The following PRKCSH variants were observed in gnomAD, a reference collection of about 807,000 sequenced individuals.
PRKCSH encodes the protein glucosidase 2 subunit beta.
Under a neutral mutation model 79.7 loss-of-function variants are expected in PRKCSH, and 42 were observed. That is an observed-to-expected ratio of 0.53 (90% CI 0.41 to 0.68). The LOEUF is 0.68. PRKCSH is among the 30% of genes least tolerant of loss of function. The pLI, the probability that PRKCSH is intolerant of heterozygous loss-of-function variation, is 0.00. For missense variants in PRKCSH, 686 were observed against 709.0 expected (o/e 0.97, Z 0.37); for synonymous variants, 325 against 288.2 (o/e 1.13, Z -1.29).
intron 5 of PRKCSH, 159 bp from the exon 6 acceptor site, chr19:11,441,081 G>C: frequency 2.6e-6 from 2 of 768,996 alleles, no homozygotes; most frequent in Non-Finnish European, 4.7e-6. Context: ...CAGGAATGAA[G>C]GATGCTGATG....
At chr19:11,444,605 C>G (rs1396023442) in intron 7 of PRKCSH, among the ~76,000 whole-genome samples, 1 of 152,208 alleles carries the variant, frequency 6.6e-6, no homozygotes, top group Non-Finnish European at 1.5e-5. Flanking sequence ...ACAGTGGGAA[C>G]TGAATCCTGG....
In PRKCSH at chr19:11,441,336, G is replaced by C. The variant is rs1276408489; in HGVS notation, c.447G>C (p.Lys149Asn). Residue 149 changes from lysine (K) to asparagine (N), a missense_variant, in exon 6 of 18, where the codon AAG becomes AAC. Coordinates refer to ENST00000677123, the MANE Select transcript of PRKCSH (RefSeq NM_001289104.2). ...RLKKILIEDWKKAREEKQKKL... is the reference protein window; with the variant it reads ...RLKKILIEDWNKAREEKQKKL... Reference sequence around the variant, plus strand: ...AGAAGATCCTTATTGAGGACTGGAAGAAGGCACGGGAGGAGAAGCAGGTAA... The same window carrying C: ...AGAAGATCCTTATTGAGGACTGGAACAAGGCACGGGAGGAGAAGCAGGTAA... 1 of 1,614,048 alleles carries C rather than the reference G, an allele frequency of 6.2e-7. No individual in the cohort carries two copies. The highest frequency in any genetic ancestry group is 1.7e-5 in the Admixed American group (1 of 60,020).
Position 11,449,879 on chromosome 19 carries a change from C to T in PRKCSH, c.*16+451C>T, listed in dbSNP as rs978007290. ...TTGGATGGAGTTTCACTCTTGTTGCCGAGGCTGGAATGTGGAATGCAATGG... is the reference window on the plus strand; with the variant it reads ...TTGGATGGAGTTTCACTCTTGTTGCTGAGGCTGGAATGTGGAATGCAATGG... On this transcript the variant is annotated intron_variant, in intron 17 of 17. Transcript: ENST00000677123. The surrounding 1 kb of genome is among the most constrained non-coding windows in gnomAD (Gnocchi z 6.4). 6 of 213,844 alleles carry T rather than the reference C, an allele frequency of 2.8e-5. No individual in the cohort carries two copies. The highest frequency in any genetic ancestry group is 7.2e-5 in the South Asian group (1 of 13,836). 13.2% of individuals were successfully genotyped at this position (213,844 alleles called of 1,614,324 possible).
Position 11,447,290 on chromosome 19 carries a change from C to G in PRKCSH, c.849+130C>G, listed in dbSNP as rs940855101. On this transcript the variant is annotated intron_variant, in intron 10 of 17. Coordinates refer to ENST00000677123, the MANE Select transcript of PRKCSH (RefSeq NM_001289104.2). This position sits in a 1 kb window ranked among gnomAD's most constrained non-coding sequence, Gnocchi z 5.6. The stretch of plus-strand genomic sequence containing the variant: ...GCTGGGTGGCCCCAGCACCCCCCAC[C>G]GAGACCCCCCGACCCCAGCTGTCGG... The G allele has an allele frequency of 1.5e-6, 2 of 1,336,408 alleles. No homozygotes were observed. The highest frequency in any genetic ancestry group is 5.0e-5 in the East Asian group (2 of 40,236). The allele number at this position is 1,336,408 out of a possible 1,614,324, so 82.8% of individuals were successfully genotyped here. A position where few individuals can be genotyped will look rare whatever the true frequency, so the allele number is the denominator to read the frequency against.
Position 11,448,283 on chromosome 19 carries a change from G to GT in PRKCSH, c.1189dup (p.Ser397PhefsTer12). The GT allele has an allele frequency of 6.4e-7, 1 of 1,573,394 alleles. No individual in the cohort carries two copies. Among genetic ancestry groups the GT allele is most frequent in the Non-Finnish European group, 8.6e-7 (1 of 1,159,018 alleles). ...AGCGGTCGCTGAAGGACATGGAGGA[G>GT]TCCATCAGGTAGCGGGGGCTGAGGA... is the stretch of plus-strand genomic sequence containing the variant. On this transcript the variant is annotated frameshift_variant, in exon 13 of 18. Transcript: ENST00000677123. LOFTEE classifies it high-confidence loss of function. This position sits in a 1 kb window ranked among gnomAD's most constrained non-coding sequence, Gnocchi z 4.4.
chr19:11,438,214 TTTCTGTATCGGG>T, intron 5 of PRKCSH, 90 bp downstream of exon 5: 1 of 1,410,856 alleles, frequency 7.1e-7, no homozygotes, highest in African/African-American at 1.4e-5. Flanking sequence ...CTCTTCTGCT[TTTCTGTATCGGG>T]TTCTCTGTCT....
At position 11,437,912 on chromosome 19, in the gene PRKCSH, C is replaced by T. The variant is rs1330950305; in HGVS notation, c.233C>T (p.Thr78Ile). Residue 78 changes from threonine to isoleucine, a missense_variant, in exon 4 of 18, where the codon ACC becomes ATC. Thr to Ile is a moderately conservative substitution (Grantham distance 89). Transcript: ENST00000677123. Reference sequence around the variant, plus strand: ...TGTCCTAATGGCAGCTTCCACTGCACCAACACTGGCTATAAGCCCCTGTAT... The same window carrying T: ...TGTCCTAATGGCAGCTTCCACTGCATCAACACTGGCTATAAGCCCCTGTAT... ...AACPNGSFHC[T>I]NTGYKPLYIP... The T allele has an allele frequency of 1.4e-5, 23 of 1,614,190 alleles. No individual in the cohort carries two copies. Among genetic ancestry groups the T allele is most frequent in the Non-Finnish European group, 1.9e-5 (23 of 1,180,036 alleles).
rs1407345574 is a variant in PRKCSH at position 11,437,961 on chromosome 19, T to C, written c.282T>C (p.Asp94=). The C allele has an allele frequency of 6.2e-7, 1 of 1,614,056 alleles. No homozygotes were observed. The highest frequency in any genetic ancestry group is 1.3e-5 in the African/African-American group (1 of 75,008). The change falls in exon 4 of 18, where the codon GAT becomes GAC. Residue 94 remains aspartate (D), a synonymous_variant. Transcript: ENST00000677123. ...PLYIPSNRVN[D]GVCDCCDGTD... ...ATATCCCCTCCAACCGGGTCAACGA[T>C]GGTGTTTGTGGTAAGTGAAGATGCA...
At chr19:11,438,797 C>T (rs973266228) in intron 5 of PRKCSH, among the ~76,000 whole-genome samples, 18 of 150,834 alleles carry the variant, frequency 1.2e-4, no homozygotes, top group African/African-American at 4.4e-4. Context: ...CAGAAGGAGG[C>T]CAAGTATGAG....
intron 3 of PRKCSH, among the ~76,000 whole-genome samples, chr19:11,437,096 C>T (rs1045159243): frequency 3.9e-5 from 6 of 151,984 alleles, no homozygotes; most frequent in East Asian, 1.9e-4. Context: ...AGTGCAGTGG[C>T]GCCATCTCGG....
Position 11,449,240 on chromosome 19 carries a change from T to C in PRKCSH, c.1462-26T>C. On this transcript the variant is annotated intron_variant, in intron 16 of 17. Coordinates refer to ENST00000677123, the MANE Select transcript of PRKCSH (RefSeq NM_001289104.2). This position sits in a 1 kb window ranked among gnomAD's most constrained non-coding sequence, Gnocchi z 6.4. ...CCAGGCCTGGCCCAGCCGAACCCTC[T>C]CGAGCACCCGTCTGCCCATCCCCAG... 1 of 1,613,524 alleles carries C rather than the reference T, an allele frequency of 6.2e-7. No individual in the cohort carries two copies. Among genetic ancestry groups the C allele is most frequent in the Admixed American group, 1.7e-5 (1 of 60,028 alleles).
chr19:11,446,494 C>A, intron 9 of PRKCSH, 144 bp downstream of exon 9: 1 of 969,474 alleles, frequency 1.0e-6, no homozygotes, highest in Non-Finnish European at 1.6e-6. Context: ...CCACTCAGGG[C>A]CGCTTCCCGC....
intron 5 of PRKCSH, among the ~76,000 whole-genome samples, chr19:11,440,329 T>G (rs1377267980): frequency 1.3e-5 from 2 of 151,486 alleles, no homozygotes; most frequent in African/African-American, 4.9e-5. Flanking sequence ...TTTTTTTGTA[T>G]TTTTAGTAGA....
chr19:11,447,521 C>T lies in PRKCSH; in HGVS notation c.932C>T (p.Pro311Leu). 6.2e-7 allele frequency: 1 copy of T among 1,603,404 alleles called. No individual in the cohort carries two copies. Among genetic ancestry groups the T allele is most frequent in the Non-Finnish European group, 8.5e-7 (1 of 1,176,740 alleles). Residue 311 changes from proline (P) to leucine (L), a missense_variant, in exon 11 of 18, where the codon CCC becomes CTC. Transcript: ENST00000677123. This position sits in a 1 kb window ranked among gnomAD's most constrained non-coding sequence, Gnocchi z 5.6. ...KEEQPPVPSS[P>L]TEEEEEEEEE... ...GAGCAGCCGCCAGTGCCCTCGTCGCCCACAGAGGAGGAGGAGGAGGAGGAG... is the reference window on the plus strand; with the variant it reads ...GAGCAGCCGCCAGTGCCCTCGTCGCTCACAGAGGAGGAGGAGGAGGAGGAG...
At position 11,436,080 on chromosome 19, in the gene PRKCSH, C is replaced by T. The variant is rs761097829; in HGVS notation, c.-38C>T. 35 of 1,604,476 alleles carry T rather than the reference C, an allele frequency of 2.2e-5. No homozygotes were observed. The highest frequency in any genetic ancestry group is 6.7e-5 in the East Asian group (3 of 44,884). On this transcript the variant is annotated 5_prime_UTR_variant, in exon 2 of 18. Coordinates refer to ENST00000677123, the MANE Select transcript of PRKCSH (RefSeq NM_001289104.2). Reference sequence around the variant, plus strand: ...GCATCTCCCCGCTGTAGGCTTCCTCCCACAGAACCCGTTTCGGGCCTCAGA... The same window carrying T: ...GCATCTCCCCGCTGTAGGCTTCCTCTCACAGAACCCGTTTCGGGCCTCAGA...
Position 11,441,122 on chromosome 19 carries a change from C to G in PRKCSH, c.351-118C>G, listed in dbSNP as rs1305252116. On this transcript the variant is annotated intron_variant, in intron 5 of 17. Coordinates refer to ENST00000677123, the MANE Select transcript of PRKCSH (RefSeq NM_001289104.2). ...AGAACCTGGGAGGAAGGCTTGCTCTCATCTTTCCCAGCATGGCTTGGTGGG... is the reference window on the plus strand; with the variant it reads ...AGAACCTGGGAGGAAGGCTTGCTCTGATCTTTCCCAGCATGGCTTGGTGGG... 6.1e-6 allele frequency: 6 copies of G among 989,536 alleles called. No individual in the cohort carries two copies. In the East Asian group the frequency reaches 1.4e-4, roughly 24 times the overall value. 61.3% of individuals were successfully genotyped at this position (989,536 alleles called of 1,614,324 possible).
intron 5 of PRKCSH, among the ~76,000 whole-genome samples, chr19:11,438,776 AAAG>A (rs1254752902): frequency 6.6e-6 from 1 of 151,766 alleles, no homozygotes; most frequent in East Asian, 1.9e-4. Context: ...AAAAAAAAAA[AAAG>A]CATACAACAG....
At chr19:11,445,682 T>C (rs1970264258) in intron 8 of PRKCSH, 5 of 630,616 alleles carry the variant, frequency 7.9e-6, no homozygotes, top group South Asian at 3.5e-5. Context: ...GACCACCCTC[T>C]CCCCAGGAGC....
Position 11,449,172 on chromosome 19 carries a change from C to T in PRKCSH, c.1458C>T (p.Thr486=). ...TGCWQGPNRS[T]TVRLLCGKET... ...GCTGGCAGGGCCCCAACCGCTCCAC[C>T]ACCGTGAGTGCCTGCAAGGCAGGGG... The change falls in exon 16 of 18, where the codon ACC becomes ACT. Residue 486 remains threonine, a synonymous_variant. Coordinates refer to ENST00000677123, the MANE Select transcript of PRKCSH (RefSeq NM_001289104.2). This position sits in a 1 kb window ranked among gnomAD's most constrained non-coding sequence, Gnocchi z 6.4. 3 of 1,613,762 alleles carry T rather than the reference C, an allele frequency of 1.9e-6. No homozygotes were observed. Among genetic ancestry groups the T allele is most frequent in the Admixed American group, 3.3e-5 (2 of 60,030 alleles).
Sources: allele counts gnomAD v4.1 joint callset (sites outside exome capture counted in the v4.1 genomes callset), GRCh38; gene constraint gnomAD v4.1.1; non-coding constraint Gnocchi (gnomAD v3.1); transcripts MANE v1.5; gene names NCBI Gene and HGNC (gene_info 2026-07-23, HGNC 2026-07-21).